Variants in DYNC2I1 observed in about 807,000 individuals in gnomAD.
DYNC2I1 encodes the protein cytoplasmic dynein 2 intermediate chain 1.
A neutral mutation model predicts 133.4 loss-of-function variants in DYNC2I1; 89 were observed. The ratio of observed to expected loss-of-function variants is 0.67; its 90% CI spans 0.56 to 0.80. DYNC2I1 has a LOEUF of 0.80. DYNC2I1 is among the 30% of genes least tolerant of loss of function. The pLI is 0.00. For synonymous variants in DYNC2I1, 504 were observed against 484.3 expected (o/e 1.04, Z -0.54); for missense variants, 1,291 against 1,314.5 (o/e 0.98, Z 0.28).
At chr7:158,890,136 C>T (rs1377628708) in intron 7 of DYNC2I1, among the ~76,000 whole-genome samples, 2 of 151,932 alleles carry the variant, frequency 1.3e-5, no homozygotes, top group African/African-American at 4.8e-5. Context: ...GTGCGAGCCA[C>T]CACAACTGGC....
At position 158,879,848 on chromosome 7, in the gene DYNC2I1, T is replaced by A. The variant is rs1843820836; in HGVS notation, c.738T>A (p.Asn246Lys). 1.2e-6 allele frequency: 2 copies of A among 1,611,618 alleles called. No individual in the cohort carries two copies. Among genetic ancestry groups the A allele is most frequent in the African/African-American group, 1.3e-5 (1 of 74,380 alleles). ...KREKYSKEKSNSFSDKGEERH... is the reference protein window; with the variant it reads ...KREKYSKEKSKSFSDKGEERH... ...AGAAATATTCCAAAGAGAAAAGTAA[T>A]TCATTCTCTGACAAAGGGGAAGAAA... is the stretch of plus-strand genomic sequence containing the variant. Residue 246 changes from asparagine to lysine, a missense_variant, in exon 5 of 25, where the codon AAT becomes AAA. By Grantham distance (94) the Asn-to-Lys change is moderately conservative (BLOSUM62 0). Transcript: ENST00000407559.
intron 6 of DYNC2I1, among the ~76,000 whole-genome samples, chr7:158,885,705 G>A (rs1021387877): frequency 1.3e-5 from 2 of 152,038 alleles, no homozygotes; most frequent in Non-Finnish European, 2.9e-5. Context: ...TTTTGTAATC[G>A]TTTTTCAAAG....
chr7:158,902,645 T>C (rs777799275), intron 10 of DYNC2I1, 50 bp downstream of exon 10: 3 of 1,506,386 alleles, frequency 2.0e-6, no homozygotes, highest in Non-Finnish European at 1.8e-6. Flanking sequence ...GGGCTCTGTG[T>C]ACTGAGCCCT....
At chr7:158,845,873 A>G in the DYNC2I1 span, among the ~76,000 whole-genome samples, 1 of 152,252 alleles carries the variant, frequency 6.6e-6, no homozygotes, top group Admixed American at 6.5e-5. Flanking sequence ...TAGGATTTCC[A>G]ATTTAAAAAT....
chr7:158,954,487 A>C (rs1406561484), intron 4 of DYNC2I1, among the ~76,000 whole-genome samples: 1 of 152,158 alleles, frequency 6.6e-6, no homozygotes, highest in Non-Finnish European at 1.5e-5. Context: ...ATCTCTCCTA[A>C]AAATATAAAA....
rs891192572 is a variant in DYNC2I1, at chr7:158,910,937, G to T, written c.1461-613G>T. ...CTGTGGGAGGAGTGCGATTGGCTGTGTCAGGCTTGTGGGCCAAGGGCGATT... is the reference window on the plus strand; with the variant it reads ...CTGTGGGAGGAGTGCGATTGGCTGTTTCAGGCTTGTGGGCCAAGGGCGATT... On this transcript the variant is annotated intron_variant, in intron 11 of 24. Transcript: ENST00000407559. 2.7e-5 allele frequency among the ~76,000 whole-genome samples: 4 copies of T among 150,130 alleles called. No homozygotes were observed. The East Asian group carries it at 7.9e-4, about 30-fold the overall frequency.
Position 158,891,273 on chromosome 7 carries a change from C to T in DYNC2I1, c.999C>T (p.His333=), listed in dbSNP as rs777820131. The T allele has an allele frequency of 4.3e-6, 7 of 1,614,008 alleles. No individual in the cohort carries two copies. Among genetic ancestry groups the T allele is most frequent in the African/African-American group, 1.3e-5 (1 of 75,052 alleles). Reference sequence around the variant, plus strand: ...TGTTCTCTCTCCATTAGCATGGCCACGAGGAAGGCTCTTCTGTGTGGTGGA... The same window carrying T: ...TGTTCTCTCTCCATTAGCATGGCCATGAGGAAGGCTCTTCTGTGTGGTGGA... ...KDKDSRRKHG[H]EEGSSVWWKL... Residue 333 remains histidine (H), a synonymous_variant, in exon 8 of 25, where the codon CAC becomes CAT. Coordinates refer to ENST00000407559, the MANE Select transcript of DYNC2I1 (RefSeq NM_018051.5).
intron 23 of DYNC2I1, among the ~76,000 whole-genome samples, chr7:158,939,715 GCT>G (rs1289530713): frequency 1.3e-5 from 2 of 152,122 alleles, no homozygotes; most frequent in African/African-American, 4.8e-5. Flanking sequence ...ACTGTAGGCT[GCT>G]CTCAAGAAAT....
chr7:158,923,597 G>T lies in DYNC2I1; in HGVS notation c.2121G>T (p.Leu707Phe), dbSNP rs766537162. Residue 707 changes from leucine (L) to phenylalanine (F), a missense_variant, in exon 17 of 25, where the codon TTG becomes TTT. By Grantham distance (22) the Leu-to-Phe change is conservative. Transcript: ENST00000407559. ...SQVTCCCLSP[L>F]KAFLLFAGTA... The stretch of plus-strand genomic sequence containing the variant: ...TCACGTGTTGCTGCTTGAGCCCTTT[G>T]AAAGCATTTTTACTGTTTGCCGGAA... The T allele has an allele frequency of 2.5e-6, 4 of 1,613,872 alleles. No homozygotes were observed. In the Admixed American group the frequency reaches 6.7e-5, roughly 27 times the overall value.
At chr7:158,948,947 G>A (rs958712097), downstream of DYNC2I1, among the ~76,000 whole-genome samples, 4 of 152,104 alleles carry the variant, frequency 2.6e-5, no homozygotes, top group African/African-American at 9.7e-5. Flanking sequence ...GAGGAGACAC[G>A]GCCCTCCTAC....
At chr7:158,890,115 T>C (rs1845057355) in intron 7 of DYNC2I1, among the ~76,000 whole-genome samples, 1 of 151,844 alleles carries the variant, frequency 6.6e-6, no homozygotes, top group South Asian at 2.1e-4. Context: ...CCTAAAGTAC[T>C]GGGATTACAG....
At chr7:158,878,290 GTGCTGGGC>G (rs1563097303) in intron 4 of DYNC2I1, among the ~76,000 whole-genome samples, 2 of 145,218 alleles carry the variant, frequency 1.4e-5, no homozygotes, top group Non-Finnish European at 3.0e-5. Flanking sequence ...CCGACTGTGA[GTGCTGGGC>G]ACCATGTGGG....
chr7:158,900,873 A>G (rs1161526203), intron 8 of DYNC2I1, among the ~76,000 whole-genome samples: 1 of 149,824 alleles, frequency 6.7e-6, no homozygotes, highest in Non-Finnish European at 1.5e-5. Context: ...GTTGTTCTTC[A>G]CTTCTGTTTC....
intron 1 of DYNC2I1, among the ~76,000 whole-genome samples, chr7:158,868,339 G>A (rs1584964077): frequency 6.6e-6 from 1 of 152,194 alleles, no homozygotes; most frequent in Non-Finnish European, 1.5e-5. Context: ...GTCGTGAGGC[G>A]CTGCGACATG....
Position 158,922,529 on chromosome 7 carries a change from G to A in DYNC2I1, c.2074G>A (p.Val692Ile), listed in dbSNP as rs772097954. Residue 692 changes from valine to isoleucine, a missense_variant, in exon 16 of 25, where the codon GTT becomes ATT. Transcript: ENST00000407559. ...TTGGCAGCCTTCAGGGCCACAGAAA[G>A]TTCTGATATGTGAGTCCCAGGTACA... ...DIWQPSGPQK[V>I]LICESQVTCC... 2.5e-6 allele frequency: 4 copies of A among 1,613,804 alleles called. No individual in the cohort carries two copies. The East Asian group carries it at 6.7e-5, about 27-fold the overall frequency.
chr7:158,890,637 G>T (rs981469041), intron 7 of DYNC2I1, among the ~76,000 whole-genome samples: 1 of 151,488 alleles, frequency 6.6e-6, no homozygotes, highest in Non-Finnish European at 1.5e-5. Context: ...CGCTCTTGTC[G>T]CACAGGCTGG....
intron 14 of DYNC2I1, among the ~76,000 whole-genome samples, chr7:158,915,572 CCTCGACACGCTGGTTGAG>C (rs1848060761): frequency 1.3e-5 from 2 of 151,724 alleles, no homozygotes; most frequent in African/African-American, 4.9e-5. Flanking sequence ...GATTGTGAAA[CCTCGACACGCTGGTTGAG>C]ATTAAGGATG....
At chr7:158,929,321 C>T (rs965716014) in intron 20 of DYNC2I1, among the ~76,000 whole-genome samples, 2 of 152,250 alleles carry the variant, frequency 1.3e-5, no homozygotes, top group East Asian at 1.9e-4. Flanking sequence ...GAGACCTGGG[C>T]GAAGACCCCA....
At chr7:158,877,100 T>C (rs1843426756) in intron 4 of DYNC2I1, among the ~76,000 whole-genome samples, 1 of 152,270 alleles carries the variant, frequency 6.6e-6, no homozygotes, top group Non-Finnish European at 1.5e-5. Flanking sequence ...TGAGTGATCC[T>C]GTCTCTCCCC....
Sources: gnomAD v4.1 joint callset for allele counts (sites outside exome capture counted in the v4.1 genomes callset) on GRCh38, gnomAD v4.1.1 for gene constraint, MANE v1.5 for transcripts, NCBI Gene and HGNC (gene_info 2026-07-23, HGNC 2026-07-21) for gene names.